CFAP20DC: variants seen among roughly 807,000 people sequenced by gnomAD.
CFAP20DC encodes protein CFAP20DC.
In CFAP20DC, 84 loss-of-function variants were observed where a neutral mutation model predicts 101.7. The observed-to-expected ratio is 0.83, with a 90% CI of 0.69 to 0.99. CFAP20DC has a LOEUF of 0.99. CFAP20DC is among the 50% of genes least tolerant of loss of function. CFAP20DC has a pLI of 0.00. For synonymous variants in CFAP20DC, 359 were observed against 351.2 expected (o/e 1.02, Z -0.25); for missense variants, 1,007 against 970.3 (o/e 1.04, Z -0.50).
At chr3:58,786,942 G>GA (rs1559589054) in intron 15 of CFAP20DC, among the ~76,000 whole-genome samples, 1 of 151,456 alleles carries the variant, frequency 6.6e-6, no homozygotes, top group African/African-American at 2.4e-5. Context: ...TGCATATATA[G>GA]AAAAAAATAT....
At chr3:58,741,331 G>A (rs2067877415), downstream of CFAP20DC, among the ~76,000 whole-genome samples, 1 of 152,102 alleles carries the variant, frequency 6.6e-6, no homozygotes, top group African/African-American at 2.4e-5. Flanking sequence ...GAGTTAGACG[G>A]ACATCAACTG....
chr3:58,984,796 T>G (rs1291435506), intron 4 of CFAP20DC, among the ~76,000 whole-genome samples: 1 of 152,186 alleles, frequency 6.6e-6, no homozygotes, highest in East Asian at 1.9e-4. Flanking sequence ...ATTACTGAAC[T>G]TCTCTGAGGC....
At chr3:59,032,196 A>T (rs2094007888) in intron 4 of CFAP20DC, among the ~76,000 whole-genome samples, 1 of 152,176 alleles carries the variant, frequency 6.6e-6, no homozygotes, top group African/African-American at 2.4e-5. Flanking sequence ...CGGTCTTCAC[A>T]ACCTGCAGAC....
chr3:58,819,368 G>A (rs1284418039), intron 14 of CFAP20DC, among the ~76,000 whole-genome samples: 1 of 151,878 alleles, frequency 6.6e-6, no homozygotes, highest in African/African-American at 2.4e-5. Context: ...TTTTTTGAAA[G>A]GATCAACAAA....
chr3:58,870,386 A>G, intron 7 of CFAP20DC, 77 bp from the exon 8 acceptor site: 1 of 1,480,304 alleles, frequency 6.8e-7, no homozygotes, highest in Admixed American at 1.7e-5. Context: ...CTTTCTAAAA[A>G]TCCAGTCCAG....
At chr3:58,826,294 G>A (rs906953260) in intron 14 of CFAP20DC, among the ~76,000 whole-genome samples, 1 of 152,086 alleles carries the variant, frequency 6.6e-6, no homozygotes, top group Non-Finnish European at 1.5e-5. Context: ...TTATTTTAGA[G>A]TAAAAAATGA....
intron 16 of CFAP20DC, among the ~76,000 whole-genome samples, chr3:58,750,587 T>C (rs1250292516): frequency 6.6e-6 from 1 of 152,188 alleles, no homozygotes; most frequent in African/African-American, 2.4e-5. Context: ...AATGGTTCTG[T>C]AGAAAGGGCA....
chr3:58,982,409 C>T (rs1486449316), intron 4 of CFAP20DC, among the ~76,000 whole-genome samples: 1 of 152,050 alleles, frequency 6.6e-6, no homozygotes, highest in Non-Finnish European at 1.5e-5. Flanking sequence ...GACACATGCA[C>T]ACGTATGTTT....
At chr3:58,760,150 T>C (rs1425284314) in intron 15 of CFAP20DC, among the ~76,000 whole-genome samples, 2 of 152,242 alleles carry the variant, frequency 1.3e-5, no homozygotes, top group East Asian at 3.8e-4. Context: ...CACATACTGA[T>C]TCTTCCTACC....
rs1451281186 is a variant in CFAP20DC at position 58,882,400 on chromosome 3, T to C, written c.715+2145A>G. Among the ~76,000 whole-genome samples the C allele has an allele frequency of 1.3e-5, 2 of 152,164 alleles. No homozygotes were observed. Among genetic ancestry groups the C allele is most frequent in the African/African-American group, 2.4e-5 (1 of 41,460 alleles). On this transcript the variant is annotated intron_variant, in intron 7 of 16. Transcript: ENST00000482387. The surrounding 1 kb of genome is among the most constrained non-coding windows in gnomAD (Gnocchi z 4.2). Reference sequence around the variant, plus strand: ...AAAAGACACTTAAAATATCGGGATATAGACTTGCACTTTCATTTAAAGACA... The same window carrying C: ...AAAAGACACTTAAAATATCGGGATACAGACTTGCACTTTCATTTAAAGACA...
intron 12 of CFAP20DC, among the ~76,000 whole-genome samples, chr3:58,854,202 G>C (rs2078537100): frequency 1.3e-5 from 2 of 151,652 alleles, no homozygotes; most frequent in Non-Finnish European, 1.5e-5. Context: ...CAGACAAACA[G>C]AGAGCCAAAT....
In CFAP20DC at chr3:59,049,802, G is replaced by C; in HGVS notation, c.-171C>G. 5.5e-6 allele frequency: 4 copies of C among 730,770 alleles called. No homozygotes were observed. The allele number at this position is 730,770 out of a possible 1,614,324, so 45.3% of individuals were successfully genotyped here. A position where few individuals can be genotyped will look rare whatever the true frequency, so the allele number is the denominator to read the frequency against. On this transcript the variant is annotated 5_prime_UTR_variant, in exon 1 of 17. Coordinates refer to ENST00000482387, the MANE Select transcript of CFAP20DC (RefSeq NM_001394063.1). ...GCTCTTCTCAGCCCCTCCGGCCCCTGGTCAGCTCCATCTCCCGCCCTCCAT... is the reference window on the plus strand; with the variant it reads ...GCTCTTCTCAGCCCCTCCGGCCCCTCGTCAGCTCCATCTCCCGCCCTCCAT...
intron 12 of CFAP20DC, chr3:58,862,749 G>C: frequency 6.2e-6 from 6 of 972,768 alleles, no homozygotes; most frequent in Non-Finnish European, 7.3e-6. Flanking sequence ...GAAAAGCTTT[G>C]TACATTTTCA....
chr3:58,951,551 T>G (rs989011197), intron 4 of CFAP20DC, among the ~76,000 whole-genome samples: 5 of 152,154 alleles, frequency 3.3e-5, no homozygotes, highest in Admixed American at 6.5e-5. Context: ...ATGTGGCACA[T>G]ATACACCATG....
chr3:58,963,386 C>T lies in CFAP20DC; in HGVS notation c.279-25624G>A, dbSNP rs984015490. The stretch of plus-strand genomic sequence containing the variant: ...TTACTCTACCATTTTGTAATTCCTG[C>T]CACCTCTCATTTTAACCTCTGTCTT... On this transcript the variant is annotated intron_variant, in intron 4 of 16. Transcript: ENST00000482387. Among the ~76,000 whole-genome samples the T allele has an allele frequency of 3.3e-5, 5 of 152,088 alleles. 1 individual carries two copies. The South Asian group carries it at 1.0e-3, about 32-fold the overall frequency.
chr3:59,004,763 C>T (rs1206899459), intron 4 of CFAP20DC, among the ~76,000 whole-genome samples: 1 of 152,208 alleles, frequency 6.6e-6, no homozygotes, highest in Non-Finnish European at 1.5e-5. Flanking sequence ...TTTTCCACTG[C>T]ATAATCCCCA....
chr3:58,928,360 T>C (rs554893458), intron 5 of CFAP20DC, among the ~76,000 whole-genome samples: 1 of 152,314 alleles, frequency 6.6e-6, no homozygotes, highest in East Asian at 1.9e-4. Flanking sequence ...AAGTAGCATC[T>C]ATAGATCAGA....
intron 4 of CFAP20DC, among the ~76,000 whole-genome samples, chr3:58,981,861 T>C (rs552463751): frequency 8.3e-4 from 127 of 152,096 alleles, no homozygotes; most frequent in Non-Finnish European, 1.3e-3. Context: ...ACAAATGGGA[T>C]CTAATTAAAC....
At chr3:58,815,533 C>A (rs1483124549) in intron 14 of CFAP20DC, among the ~76,000 whole-genome samples, 9 of 151,052 alleles carry the variant, frequency 6.0e-5, no homozygotes, top group African/African-American at 2.2e-4. Flanking sequence ...TAAAGACCTT[C>A]TGCACAGCAA....
Sources: gnomAD v4.1 joint callset for allele counts (sites outside exome capture counted in the v4.1 genomes callset) on GRCh38, gnomAD v4.1.1 for gene constraint, Gnocchi (gnomAD v3.1) non-coding constraint, MANE v1.5 for transcripts, NCBI Gene and HGNC (gene_info 2026-07-23, HGNC 2026-07-21) for gene names.